The following PSMD14 variants were observed in gnomAD, a reference collection of about 807,000 sequenced individuals.
The protein encoded by PSMD14 is ubiquitin C-terminal hydrolase PSMD14.
Under a neutral mutation model 41.2 loss-of-function variants are expected in PSMD14, and 7 were observed. The ratio of observed to expected loss-of-function variants is 0.17; its 90% confidence interval spans 0.10 to 0.32. The LOEUF is 0.32. Among genes scored for constraint, PSMD14 ranks in the 10% least tolerant of loss-of-function variants. The probability of loss-of-function intolerance (pLI) is 1.00; values close to 1 mark genes in which losing one functional copy is unlikely to be tolerated. For synonymous variants in PSMD14, 114 were observed against 122.3 expected, an observed-to-expected ratio of 0.93 and a Z score of 0.45; for missense variants, 139 against 375.6, an observed-to-expected ratio of 0.37 and a Z score of 5.21.
intron 3 of PSMD14, among the ~76,000 whole-genome samples, chr2:161,354,765 C>G (rs1427068313): frequency 6.6e-6 from 1 of 152,156 alleles, no homozygotes; most frequent in Non-Finnish European, 1.5e-5. Context: ...AAAGAAATGT[C>G]ATAGTTAGGC....
chr2:161,411,228 CT>C, intron 11 of PSMD14, 73 bp from the exon 12 acceptor site: 1 of 929,480 alleles, frequency 1.1e-6, no homozygotes, highest in Non-Finnish European at 1.6e-6. Context: ...TCATCAGCTA[CT>C]GAAAAAAATT....
At chr2:161,374,837 A>G (rs944164656) in intron 7 of PSMD14, among the ~76,000 whole-genome samples, 4 of 151,954 alleles carry the variant, frequency 2.6e-5, no homozygotes, top group East Asian at 3.9e-4. Flanking sequence ...CTAGCATACA[A>G]CTTAATTAGG....
In PSMD14 at chr2:161,320,086, C is replaced by T. The variant is rs537070067; in HGVS notation, c.48+1213C>T. Among the ~76,000 whole-genome samples, 12 of 152,180 alleles carry T rather than the reference C, an allele frequency of 7.9e-5. No homozygotes were observed. In the East Asian group the frequency reaches 2.1e-3, roughly 27 times the overall value. On this transcript the variant is annotated intron_variant, in intron 3 of 11. Coordinates refer to ENST00000409682, the MANE Select transcript of PSMD14 (RefSeq NM_005805.6). The stretch of plus-strand genomic sequence containing the variant: ...ATTCTTTTGTAAACATTCTAGAGAG[C>T]TTCTAGAATTTCTCTAATTTATTCT...
At chr2:161,378,320 A>T (rs1683528163) in intron 7 of PSMD14, among the ~76,000 whole-genome samples, 1 of 151,978 alleles carries the variant, frequency 6.6e-6, no homozygotes, top group Non-Finnish European at 1.5e-5. Context: ...TCAGTTTAGC[A>T]TGTCACAAAA....
chr2:161,399,047 G>A (rs1197474656), intron 10 of PSMD14, among the ~76,000 whole-genome samples: 2 of 152,000 alleles, frequency 1.3e-5, no homozygotes, highest in Non-Finnish European at 2.9e-5. Context: ...AAATATAATA[G>A]GCAAATCAGT....
chr2:161,318,968 C>T, intron 3 of PSMD14, 95 bp downstream of exon 3: 9 of 925,600 alleles, frequency 9.7e-6, no homozygotes, highest in South Asian at 1.6e-5. Flanking sequence ...AAGAAAATCA[C>T]CTAACAGATA....
rs144308107 is a variant in PSMD14, at chr2:161,364,248, G to A, written c.49-3230G>A. 1.5e-3 allele frequency among the ~76,000 whole-genome samples: 223 copies of A among 152,232 alleles called. 1 individual carries two copies. Among genetic ancestry groups the A allele is most frequent in the Non-Finnish European group, 2.9e-3 (194 of 68,010 alleles). On this transcript the variant is annotated intron_variant, in intron 3 of 11. Coordinates refer to ENST00000409682, the MANE Select transcript of PSMD14 (RefSeq NM_005805.6). Reference sequence around the variant, plus strand: ...CCAGCCGTTTGTGTGTCCCTCTGCTGATGTGCTCCTCTCTCATGTTCAGCT... The same window carrying A: ...CCAGCCGTTTGTGTGTCCCTCTGCTAATGTGCTCCTCTCTCATGTTCAGCT...
intron 3 of PSMD14, among the ~76,000 whole-genome samples, chr2:161,321,461 G>C (rs1385916990): frequency 6.6e-6 from 1 of 152,136 alleles, no homozygotes; most frequent in Non-Finnish European, 1.5e-5. Context: ...CCAAACAGTT[G>C]CTACTTTACT....
chr2:161,309,884 G>T (rs1199394008), intron 1 of PSMD14, among the ~76,000 whole-genome samples: 2 of 151,910 alleles, frequency 1.3e-5, no homozygotes, highest in African/African-American at 4.8e-5. Flanking sequence ...GGCCGGGTGC[G>T]GTGGCTCACA....
chr2:161,387,739 A>AT (rs1280562631), intron 8 of PSMD14, among the ~76,000 whole-genome samples: 3 of 151,944 alleles, frequency 2.0e-5, no homozygotes, highest in Admixed American at 6.6e-5. Context: ...GAATTATGAG[A>AT]TTTTTTTGTC....
chr2:161,339,792 C>T (rs897750380), intron 3 of PSMD14, among the ~76,000 whole-genome samples: 2 of 152,280 alleles, frequency 1.3e-5, no homozygotes, highest in African/African-American at 4.8e-5. Flanking sequence ...CCCCTAAGCC[C>T]TGAACCAAAG....
At chr2:161,317,875 T>C (rs542904596) in intron 2 of PSMD14, among the ~76,000 whole-genome samples, 1 of 152,310 alleles carries the variant, frequency 6.6e-6, no homozygotes, top group Non-Finnish European at 1.5e-5. Flanking sequence ...ATTTAGGACA[T>C]AGCGATTTTC....
chr2:161,342,315 A>G (rs1283718451), intron 3 of PSMD14, among the ~76,000 whole-genome samples: 1 of 151,528 alleles, frequency 6.6e-6, no homozygotes, highest in Non-Finnish European at 1.5e-5. Flanking sequence ...GTTCCCTGCT[A>G]TTCCTACTTT....
intron 8 of PSMD14, among the ~76,000 whole-genome samples, 156 bp from the exon 9 acceptor site, chr2:161,390,948 A>G (rs1433582696): frequency 6.6e-6 from 1 of 152,172 alleles, no homozygotes; most frequent in Non-Finnish European, 1.5e-5. Context: ...CTTGTAGCTA[A>G]GAAGAATACT....
chr2:161,346,121 G>T (rs1394726506), intron 3 of PSMD14, among the ~76,000 whole-genome samples: 2 of 152,080 alleles, frequency 1.3e-5, no homozygotes, highest in Non-Finnish European at 1.5e-5. Flanking sequence ...GGGCTCCGGT[G>T]ATCTGTCCAC....
chr2:161,354,495 C>T (rs1463262212), intron 3 of PSMD14, among the ~76,000 whole-genome samples: 1 of 34,786 alleles, frequency 2.9e-5, no homozygotes, highest in African/African-American at 1.3e-4. Flanking sequence ...GGTAGTCGAG[C>T]ATTGTGCTTG....
rs774696886 is a variant in PSMD14, at chr2:161,411,389, G to A, written c.922G>A (p.Val308Ile). The stretch of plus-strand genomic sequence containing the variant: ...TTTAGCAGCTATGTTGGATACTGTC[G>A]TATTTAAATAAAGCAACGAAAAACG... ...QCLAAMLDTVVFK is the reference protein window; with the variant it reads ...QCLAAMLDTVIFK Residue 308 changes from valine to isoleucine, a missense_variant, in exon 12 of 12, where the codon GTA becomes ATA. Val to Ile is a conservative substitution (Grantham distance 29). Transcript: ENST00000409682. 23 of 1,603,684 alleles carry A rather than the reference G, an allele frequency of 1.4e-5. No homozygotes were observed. The highest frequency in any genetic ancestry group is 6.7e-5 in the African/African-American group (5 of 74,454).
rs556924247 is a variant in PSMD14, at chr2:161,408,950, T to G, written c.834+51T>G. On this transcript the variant is annotated intron_variant, in intron 11 of 11. Coordinates refer to ENST00000409682, the MANE Select transcript of PSMD14 (RefSeq NM_005805.6). The stretch of plus-strand genomic sequence containing the variant: ...GCAGTTGCATAATAACATGTTCTTA[T>G]AGAGTTAAAACTGTTTTAGGGCCTA... 2.5e-5 allele frequency: 36 copies of G among 1,468,448 alleles called. No individual in the cohort carries two copies. The South Asian group carries it at 4.2e-4, about 17-fold the overall frequency. The allele number at this position is 1,468,448 out of a possible 1,614,324, so 91.0% of individuals were successfully genotyped here.
At chr2:161,391,019 A>G (rs981504791) in intron 8 of PSMD14, 85 bp from the exon 9 acceptor site, 2 of 1,225,936 alleles carry the variant, frequency 1.6e-6, no homozygotes, top group South Asian at 2.1e-5. Context: ...TACAGGTATT[A>G]TGTAAGAATA....
Sources: allele counts gnomAD v4.1 joint callset (sites outside exome capture counted in the v4.1 genomes callset), GRCh38; gene constraint gnomAD v4.1.1; transcripts MANE v1.5; gene names NCBI Gene and HGNC (gene_info 2026-07-23, HGNC 2026-07-21).